The following NTMT2 variants were observed in gnomAD, a reference collection of about 807,000 sequenced individuals.
The protein encoded by NTMT2 is X-Pro-Lys N-terminal protein methyltransferase 1B.
A neutral mutation model predicts 23.4 loss-of-function variants in NTMT2; 21 were observed. The ratio of observed to expected loss-of-function variants is 0.90; its 90% CI spans 0.64 to 1.29. The LOEUF (loss-of-function observed/expected upper bound fraction) is 1.29. Among genes scored for constraint, NTMT2 ranks in the 50% most tolerant of loss-of-function variants. The probability of loss-of-function intolerance (pLI) is 0.00; values close to 1 mark genes in which losing one functional copy is unlikely to be tolerated. For missense variants in NTMT2, 336 were observed against 352.0 expected, an observed-to-expected ratio of 0.95 and a Z score of 0.36; for synonymous variants, 131 against 127.7, an observed-to-expected ratio of 1.03 and a Z score of -0.17.
At chr1:170,165,016 G>A (rs555633973) in intron 2 of NTMT2, among the ~76,000 whole-genome samples, 4 of 152,202 alleles carry the variant, frequency 2.6e-5, no homozygotes, top group Non-Finnish European at 4.4e-5. Context: ...CTGGAAAGCT[G>A]CTTTTCTGAT....
intron 1 of NTMT2, among the ~76,000 whole-genome samples, chr1:170,152,710 C>CA (rs933381702): frequency 2.0e-5 from 3 of 151,360 alleles, no homozygotes; most frequent in Non-Finnish European, 4.4e-5. Flanking sequence ...CTGATAAATC[C>CA]CCCCCCCACC....
chr1:170,151,164 C>T (rs1053747958), intron 1 of NTMT2, among the ~76,000 whole-genome samples: 1 of 151,996 alleles, frequency 6.6e-6, no homozygotes, highest in South Asian at 2.1e-4. Flanking sequence ...TATGACGTTT[C>T]TTTTCTATGT....
rs921097940 is a variant in NTMT2, at chr1:170,168,519, G to T, written c.*762G>T. 6.6e-6 allele frequency among the ~76,000 whole-genome samples: 1 copy of T among 152,280 alleles called. No homozygotes were observed. The highest frequency in any genetic ancestry group is 1.9e-4 in the East Asian group (1 of 5,186). On this transcript the variant is annotated 3_prime_UTR_variant, in exon 4 of 4. Transcript: ENST00000439373. ...TTTAGCCTTTCTCTTGGCAGAAAAGGTATTTGGTTTCACTTTCTATTTTGG... is the reference window on the plus strand; with the variant it reads ...TTTAGCCTTTCTCTTGGCAGAAAAGTTATTTGGTTTCACTTTCTATTTTGG...
At chr1:170,166,887 AACT>A (rs1673405706) in intron 3 of NTMT2, 136 bp downstream of exon 3, 3 of 819,232 alleles carry the variant, frequency 3.7e-6, no homozygotes, top group African/African-American at 3.5e-5. Flanking sequence ...GTGTCATGTG[AACT>A]CCCACAAAAC....
intron 1 of NTMT2, among the ~76,000 whole-genome samples, chr1:170,155,548 G>A (rs1673149450): frequency 6.6e-6 from 1 of 151,756 alleles, no homozygotes. Context: ...GTTACAAAGG[G>A]CTAACTTGAT....
Position 170,166,514 on chromosome 1 carries a change from G to A in NTMT2, c.343G>A (p.Ala115Thr). Residue 115 changes from alanine (A) to threonine (T), a missense_variant, in exon 3 of 4, where the codon GCT becomes ACT. Coordinates refer to ENST00000439373, the MANE Select transcript of NTMT2 (RefSeq NM_001136107.2). ...TGCCTTTCTGCAGGGGCCTGGGAGA[G>A]CTGGAACAGACTGCGCCTTGGACTG... ...LRKFVGGPGR[A>T]GTDCALDCGS... 2 of 1,552,294 alleles carry A rather than the reference G, an allele frequency of 1.3e-6. No individual in the cohort carries two copies. The highest frequency in any genetic ancestry group is 1.7e-6 in the Non-Finnish European group (2 of 1,147,132).
chr1:170,154,912 T>A (rs761380172), intron 1 of NTMT2, among the ~76,000 whole-genome samples: 4 of 151,562 alleles, frequency 2.6e-5, no homozygotes, highest in Non-Finnish European at 5.9e-5. Context: ...TGGTGGGAGG[T>A]GTTTGGGTCA....
intron 1 of NTMT2, among the ~76,000 whole-genome samples, chr1:170,149,757 T>C (rs1409381530): frequency 3.3e-5 from 5 of 152,218 alleles, no homozygotes; most frequent in Non-Finnish European, 5.9e-5. Context: ...TTGGTATATA[T>C]GTGAAATAGT....
At chr1:170,161,154 C>G (rs1673266419) in intron 2 of NTMT2, among the ~76,000 whole-genome samples, 1 of 152,060 alleles carries the variant, frequency 6.6e-6, no homozygotes, top group Admixed American at 6.6e-5. Context: ...AAAAAATTAG[C>G]TGGGCGTGGT....
In NTMT2 at chr1:170,167,781, G is replaced by A; in HGVS notation, c.*24G>A. On this transcript the variant is annotated 3_prime_UTR_variant, in exon 4 of 4. Coordinates refer to ENST00000439373, the MANE Select transcript of NTMT2 (RefSeq NM_001136107.2). The stretch of plus-strand genomic sequence containing the variant: ...GAAAAAGCAGTGGGAATGAACGACT[G>A]GACTGGGCAGTGGTGCTTTGGGATG... 1 of 1,534,626 alleles carries A rather than the reference G, an allele frequency of 6.5e-7. No individual in the cohort carries two copies.
At chr1:170,163,597 A>G (rs1325672691) in intron 2 of NTMT2, among the ~76,000 whole-genome samples, 1 of 152,158 alleles carries the variant, frequency 6.6e-6, no homozygotes, top group Non-Finnish European at 1.5e-5. Flanking sequence ...TTATTTTTTG[A>G]CATTTCTCAA....
intron 1 of NTMT2, among the ~76,000 whole-genome samples, chr1:170,155,382 C>T (rs917120051): frequency 1.3e-4 from 19 of 151,958 alleles, no homozygotes; most frequent in African/African-American, 4.6e-4. Context: ...TTTTTCCTTT[C>T]CTTTCTTCCC....
chr1:170,157,443 A>AT (rs1000213023), intron 1 of NTMT2, among the ~76,000 whole-genome samples: 4 of 152,274 alleles, frequency 2.6e-5, no homozygotes, highest in Admixed American at 6.5e-5. Context: ...TCTTGTTCTC[A>AT]TTATCCCTTT....
intron 1 of NTMT2, among the ~76,000 whole-genome samples, chr1:170,156,546 GT>G (rs773204071): frequency 6.6e-6 from 1 of 152,032 alleles, no homozygotes; most frequent in South Asian, 2.1e-4. Flanking sequence ...ATAGTGTCTA[GT>G]TTTTGTCTTG....
intron 1 of NTMT2, among the ~76,000 whole-genome samples, chr1:170,148,674 G>A (rs1295922250): frequency 6.6e-6 from 1 of 152,146 alleles, no homozygotes; most frequent in African/African-American, 2.4e-5. Flanking sequence ...ATTAACTCTG[G>A]AATCTTAATA....
chr1:170,160,048 G>T (rs1018071559), intron 1 of NTMT2, among the ~76,000 whole-genome samples: 1 of 152,026 alleles, frequency 6.6e-6, no homozygotes, highest in East Asian at 1.9e-4. Context: ...GCTTGAAAAA[G>T]ATATAAAAAC....
intron 3 of NTMT2, 66 bp downstream of exon 3, chr1:170,166,817 G>T (rs1673404334): frequency 2.6e-6 from 4 of 1,511,954 alleles, no homozygotes; most frequent in Non-Finnish European, 3.6e-6. Flanking sequence ...AGTCCTTGGG[G>T]CTAATGAGGG....
chr1:170,160,349 G>A (rs1490455208), intron 1 of NTMT2, among the ~76,000 whole-genome samples, 169 bp from the exon 2 acceptor site: 4 of 152,168 alleles, frequency 2.6e-5, no homozygotes, highest in Admixed American at 6.5e-5. Context: ...GCATTACATA[G>A]TGCATAAGTC....
In NTMT2 at chr1:170,168,014, C is replaced by T. The variant is rs934544583; in HGVS notation, c.*257C>T. On this transcript the variant is annotated 3_prime_UTR_variant, in exon 4 of 4. Coordinates refer to ENST00000439373, the MANE Select transcript of NTMT2 (RefSeq NM_001136107.2). ...AATATCAGGAAACGTGCTTTAAATC[C>T]GTTTGTATGTATCTAAACTGTGCAA... Among the ~76,000 whole-genome samples, 2 of 151,890 alleles carry T rather than the reference C, an allele frequency of 1.3e-5. No homozygotes were observed. Among genetic ancestry groups the T allele is most frequent in the African/African-American group, 4.8e-5 (2 of 41,342 alleles).
Sources: allele counts gnomAD v4.1 joint callset (sites outside exome capture counted in the v4.1 genomes callset), GRCh38; gene constraint gnomAD v4.1.1; transcripts MANE v1.5; gene names NCBI Gene and HGNC (gene_info 2026-07-23, HGNC 2026-07-21).